The following AK5 variants were observed in gnomAD, a reference collection of about 807,000 sequenced individuals.
The protein encoded by AK5 is adenylate kinase 5, also known as adenylate kinase isoenzyme 5.
In AK5, 27 loss-of-function variants were observed where a neutral mutation model predicts 69.5. That is an observed-to-expected ratio of 0.39 (90% confidence interval 0.29 to 0.54). AK5 has a LOEUF of 0.54. Ranked by LOEUF, AK5 falls within the 20% of genes least tolerant of loss-of-function variation. The pLI is 0.71. For synonymous variants in AK5, 260 were observed against 244.4 expected, an observed-to-expected ratio of 1.06 and a Z score of -0.60; for missense variants, 531 against 700.4, an observed-to-expected ratio of 0.76 and a Z score of 2.73.
intron 8 of AK5, among the ~76,000 whole-genome samples, chr1:77,459,887 A>C (rs533775623): frequency 3.3e-5 from 5 of 152,338 alleles, no homozygotes; most frequent in Admixed American, 1.3e-4. Flanking sequence ...CTGAATCATT[A>C]AAATACATTT....
chr1:77,369,585 T>C (rs1647081491), intron 6 of AK5, among the ~76,000 whole-genome samples: 1 of 150,456 alleles, frequency 6.6e-6, no homozygotes, highest in Non-Finnish European at 1.5e-5. Flanking sequence ...TATCAACTGA[T>C]CATGAGAGTT....
At chr1:77,412,029 CTA>C (rs1179746470) in intron 7 of AK5, among the ~76,000 whole-genome samples, 2 of 152,224 alleles carry the variant, frequency 1.3e-5, no homozygotes, top group African/African-American at 4.8e-5. Flanking sequence ...CTGAAAAATA[CTA>C]TGACTCTGTG....
At chr1:77,324,607 G>C (rs1570380069) in intron 5 of AK5, among the ~76,000 whole-genome samples, 1 of 151,886 alleles carries the variant, frequency 6.6e-6, no homozygotes, top group East Asian at 1.9e-4. Flanking sequence ...CACCCCCCAG[G>C]ATGTAGACCG....
At chr1:77,305,435 CCA>C (rs1659583116) in intron 5 of AK5, among the ~76,000 whole-genome samples, 1 of 152,058 alleles carries the variant, frequency 6.6e-6, no homozygotes, top group Non-Finnish European at 1.5e-5. Flanking sequence ...GAGATTTCCC[CCA>C]GTGTTTTCTT....
At chr1:77,344,938 T>TA (rs1206045448) in intron 6 of AK5, among the ~76,000 whole-genome samples, 1 of 151,526 alleles carries the variant, frequency 6.6e-6, no homozygotes, top group Non-Finnish European at 1.5e-5. Flanking sequence ...ATGAACTTTT[T>TA]AAAAAATATA....
intron 6 of AK5, among the ~76,000 whole-genome samples, chr1:77,345,160 A>C (rs1661852079): frequency 6.6e-6 from 1 of 152,194 alleles, no homozygotes; most frequent in Non-Finnish European, 1.5e-5. Context: ...ATTGGTAATA[A>C]TCATTAAAAT....
intron 10 of AK5, among the ~76,000 whole-genome samples, chr1:77,511,347 A>G (rs929666880): frequency 6.6e-6 from 1 of 152,220 alleles, no homozygotes. Context: ...TATGTATTTT[A>G]TGGGAGCCAA....
intron 6 of AK5, among the ~76,000 whole-genome samples, chr1:77,368,330 T>A (rs866094211): frequency 1.9e-5 from 2 of 103,420 alleles, no homozygotes; most frequent in African/African-American, 6.9e-5. Context: ...AATATATATG[T>A]TATATATGTT....
chr1:77,440,575 T>C (rs1652262437), intron 8 of AK5, among the ~76,000 whole-genome samples: 1 of 152,166 alleles, frequency 6.6e-6, no homozygotes, highest in African/African-American at 2.4e-5. Flanking sequence ...TTTACACCCT[T>C]TACAACATCT....
At chr1:77,417,325 C>T (rs1650497242) in intron 7 of AK5, among the ~76,000 whole-genome samples, 1 of 152,152 alleles carries the variant, frequency 6.6e-6, no homozygotes, top group South Asian at 2.1e-4. Flanking sequence ...AGAATCTTAA[C>T]TCCACCATCA....
chr1:77,353,213 C>G (rs978376580), intron 6 of AK5, among the ~76,000 whole-genome samples: 5 of 152,108 alleles, frequency 3.3e-5, no homozygotes, highest in Non-Finnish European at 5.9e-5. Flanking sequence ...CATGGTGGCT[C>G]AAGCCTGTAA....
intron 8 of AK5, among the ~76,000 whole-genome samples, chr1:77,482,935 C>G (rs1485187560): frequency 1.5e-5 from 2 of 137,258 alleles, no homozygotes; most frequent in Non-Finnish European, 3.1e-5. Context: ...CTTCTGATAC[C>G]AAAGGATTTT....
chr1:77,283,203 C>T (rs1286230308), intron 1 of AK5: 1 of 985,314 alleles, frequency 1.0e-6, no homozygotes, highest in East Asian at 1.1e-4. Flanking sequence ...AAGCCACAAC[C>T]CCTGTCTCAG....
chr1:77,428,647 C>G (rs1242575129), intron 8 of AK5, among the ~76,000 whole-genome samples: 1 of 151,888 alleles, frequency 6.6e-6, no homozygotes, highest in African/African-American at 2.4e-5. Context: ...TACATGTGCA[C>G]AACGTGCAGG....
At chr1:77,518,106 A>C (rs1657769732) in intron 10 of AK5, among the ~76,000 whole-genome samples, 1 of 152,214 alleles carries the variant, frequency 6.6e-6, no homozygotes, top group Non-Finnish European at 1.5e-5. Context: ...TTAAATTAAA[A>C]GCTAGCATTT....
At chr1:77,518,504 A>G (rs1657793928) in intron 10 of AK5, 60 bp from the exon 11 acceptor site, 3 of 1,554,652 alleles carry the variant, frequency 1.9e-6, no homozygotes. Context: ...CATGGTGACT[A>G]CCATTAAAAA....
At chr1:77,341,269 G>A (rs1463324) in intron 6 of AK5, among the ~76,000 whole-genome samples, 119,783 of 152,152 alleles carry the variant, frequency 0.79, 47,357 homozygotes, top group South Asian at 0.9. Context: ...GATAATCACA[G>A]CATCAGATTC....
At chr1:77,337,557 T>A (rs1453927134) in intron 5 of AK5, among the ~76,000 whole-genome samples, 3 of 152,176 alleles carry the variant, frequency 2.0e-5, no homozygotes, top group Non-Finnish European at 4.4e-5. Flanking sequence ...TGAAGCTGGA[T>A]GTTACTGGTA....
intron 5 of AK5, among the ~76,000 whole-genome samples, chr1:77,313,062 G>A (rs1660049610): frequency 6.6e-6 from 1 of 152,108 alleles, no homozygotes; most frequent in Non-Finnish European, 1.5e-5. Context: ...GACACTGATT[G>A]ATGTTAAACT....
Sources: allele counts gnomAD v4.1 joint callset (sites outside exome capture counted in the v4.1 genomes callset), GRCh38; gene constraint gnomAD v4.1.1; transcripts MANE v1.5; gene names NCBI Gene and HGNC (gene_info 2026-07-23, HGNC 2026-07-21).